SYN3: variants seen among roughly 807,000 people sequenced by gnomAD.
SYN3 encodes synapsin-3.
Under a neutral mutation model 65.8 loss-of-function variants are expected in SYN3, and 35 were observed. The ratio of observed to expected loss-of-function variants is 0.53; its 90% CI spans 0.41 to 0.70. The LOEUF is 0.70. SYN3 is among the 30% of genes least tolerant of loss of function. The pLI is 0.00. For synonymous variants in SYN3, 270 were observed against 292.9 expected, an observed-to-expected ratio of 0.92 and a Z score of 0.80; for missense variants, 680 against 749.0, an observed-to-expected ratio of 0.91 and a Z score of 1.08.
At chr22:32,725,088 GC>G (rs2061172035) in intron 6 of SYN3, among the ~76,000 whole-genome samples, 1 of 152,220 alleles carries the variant, frequency 6.6e-6, no homozygotes, top group African/African-American at 2.4e-5. Context: ...TTGCACTCCA[GC>G]CTGGGTGACA....
At chr22:32,530,275 G>T (rs1008938730) in intron 10 of SYN3, 5 of 152,240 alleles carry the variant, frequency 3.3e-5, no homozygotes, top group African/African-American at 1.2e-4. Flanking sequence ...CATTTCCTAC[G>T]TGCTACGCTC....
At position 32,955,159 on chromosome 22, in the gene SYN3, C is replaced by A. The variant is rs145349288; in HGVS notation, c.370-23678G>T. ...CAGCCCTGCACCCCCAGGTGAGGAC[C>A]TACTACTTCCTACTACTGGGACCTC... is the stretch of plus-strand genomic sequence containing the variant. On this transcript the variant is annotated intron_variant, in intron 3 of 13. Transcript: ENST00000358763. Among the ~76,000 whole-genome samples the A allele has an allele frequency of 4.2e-3, 635 of 152,194 alleles. 7 individuals are homozygous for A. Among genetic ancestry groups the A allele is most frequent in the African/African-American group, 0.015 (605 of 41,518 alleles).
At chr22:32,677,844 T>C (rs1204846067) in intron 6 of SYN3, among the ~76,000 whole-genome samples, 1 of 151,126 alleles carries the variant, frequency 6.6e-6, no homozygotes, top group East Asian at 1.9e-4. Flanking sequence ...AGACACAAGA[T>C]TGAGTGAAAA....
chr22:32,872,808 T>C (rs1298239365), intron 4 of SYN3, among the ~76,000 whole-genome samples: 2 of 151,988 alleles, frequency 1.3e-5, no homozygotes, highest in African/African-American at 4.8e-5. Context: ...TGACCTCCAG[T>C]AGTTACCGAG....
intron 12 of SYN3, among the ~76,000 whole-genome samples, chr22:32,519,898 CTG>C (rs766707781): frequency 3.9e-4 from 60 of 152,200 alleles, no homozygotes; most frequent in South Asian, 1.2e-3. Flanking sequence ...CTCTGTGACT[CTG>C]TAACAATGGG....
intron 4 of SYN3, among the ~76,000 whole-genome samples, chr22:32,917,935 T>G (rs1378610714): frequency 2.0e-5 from 3 of 152,232 alleles, no homozygotes; most frequent in East Asian, 1.9e-4. Context: ...GCAGAGGCCC[T>G]GGGTGAAGAG....
chr22:33,029,314 A>G (rs1421651290), intron 1 of SYN3, among the ~76,000 whole-genome samples: 2 of 152,026 alleles, frequency 1.3e-5, no homozygotes, highest in Non-Finnish European at 1.5e-5. Flanking sequence ...AGTCAAGACT[A>G]CAAGTACAGG....
chr22:33,027,327 T>C (rs538534697), intron 1 of SYN3, among the ~76,000 whole-genome samples: 1 of 152,212 alleles, frequency 6.6e-6, no homozygotes, highest in East Asian at 1.9e-4. Context: ...CCGGGCACGG[T>C]GACTCACGCC....
chr22:32,748,847 C>T (rs931262695), intron 6 of SYN3, among the ~76,000 whole-genome samples: 15 of 152,306 alleles, frequency 9.8e-5, no homozygotes, highest in African/African-American at 3.4e-4. Context: ...CTGTCTCCCT[C>T]GGCCTTCCTG....
intron 6 of SYN3, among the ~76,000 whole-genome samples, chr22:32,829,425 G>C (rs2047509602): frequency 6.6e-6 from 1 of 152,210 alleles, no homozygotes; most frequent in African/African-American, 2.4e-5. Flanking sequence ...GACAGAGGGG[G>C]TGGGGTCCCC....
At chr22:32,750,730 T>C (rs1311821240) in intron 6 of SYN3, among the ~76,000 whole-genome samples, 1 of 152,172 alleles carries the variant, frequency 6.6e-6, no homozygotes, top group African/African-American at 2.4e-5. Context: ...TGGAGGGATC[T>C]GGACCTTGGG....
chr22:32,944,260 G>A (rs1227050392), intron 3 of SYN3, among the ~76,000 whole-genome samples: 2 of 152,172 alleles, frequency 1.3e-5, no homozygotes, highest in African/African-American at 4.8e-5. Context: ...TCAGACCACA[G>A]TGCAATCAAA....
chr22:32,827,587 T>G (rs1230749603), intron 6 of SYN3, among the ~76,000 whole-genome samples: 1 of 110,154 alleles, frequency 9.1e-6, no homozygotes, highest in Non-Finnish European at 1.8e-5. Flanking sequence ...ATGACTATCA[T>G]GAACTCCCTT....
chr22:32,695,883 T>A (rs373264863), intron 6 of SYN3, among the ~76,000 whole-genome samples: 2 of 152,310 alleles, frequency 1.3e-5, no homozygotes, highest in African/African-American at 2.4e-5. Context: ...CCTTTAGGGA[T>A]CTTTTATCTT....
At chr22:32,835,184 G>A (rs1314850147) in intron 6 of SYN3, among the ~76,000 whole-genome samples, 2 of 152,184 alleles carry the variant, frequency 1.3e-5, no homozygotes, top group Non-Finnish European at 2.9e-5. Flanking sequence ...AGTAGAGAAA[G>A]GTAGGGTGAT....
chr22:32,546,115 G>C (rs930071400), intron 7 of SYN3, among the ~76,000 whole-genome samples: 2 of 152,000 alleles, frequency 1.3e-5, no homozygotes, highest in Non-Finnish European at 2.9e-5. Flanking sequence ...TTTCTTTACA[G>C]AGGGTCTCCC....
chr22:32,528,306 G>C (rs964405076), intron 11 of SYN3, among the ~76,000 whole-genome samples: 1 of 152,178 alleles, frequency 6.6e-6, no homozygotes, highest in African/African-American at 2.4e-5. Flanking sequence ...ATTACTTTCT[G>C]TGGGGAAATC....
intron 6 of SYN3, among the ~76,000 whole-genome samples, chr22:32,811,531 A>G (rs1347735580): frequency 6.6e-6 from 1 of 152,164 alleles, no homozygotes; most frequent in African/African-American, 2.4e-5. Flanking sequence ...CCCCGCCTCC[A>G]AATCTAATGT....
At chr22:32,713,050 T>C (rs912879203) in intron 6 of SYN3, among the ~76,000 whole-genome samples, 4 of 152,232 alleles carry the variant, frequency 2.6e-5, no homozygotes, top group African/African-American at 9.6e-5. Flanking sequence ...TGTATTTTTT[T>C]TCCCTTTTTT....
Sources: gnomAD v4.1 joint callset for allele counts (sites outside exome capture counted in the v4.1 genomes callset) on GRCh38, gnomAD v4.1.1 for gene constraint, MANE v1.5 for transcripts, NCBI Gene and HGNC (gene_info 2026-07-23, HGNC 2026-07-21) for gene names.